The following GPC6 variants were observed in gnomAD, a reference collection of about 807,000 sequenced individuals.
GPC6 encodes the protein glypican-6.
In GPC6, 14 loss-of-function variants were observed where a neutral mutation model predicts 55.2. The ratio of observed to expected loss-of-function variants is 0.25; its 90% CI spans 0.17 to 0.40. The LOEUF (loss-of-function observed/expected upper bound fraction) is 0.40. Among genes scored for constraint, GPC6 ranks in the 10% least tolerant of loss-of-function variants. GPC6 has a pLI of 1.00. For missense variants in GPC6, 641 were observed against 708.5 expected (o/e 0.90, Z 1.08); for synonymous variants, 278 against 259.6 (o/e 1.07, Z -0.68).
rs945997290 is a variant in GPC6, at chr13:94,029,032, C to T, written c.877+1138C>T. Among the ~76,000 whole-genome samples the T allele has an allele frequency of 5.3e-5, 8 of 152,132 alleles. No individual in the cohort carries two copies. The South Asian group carries it at 8.3e-4, about 16-fold the overall frequency. ...GCATTTGTCAGCCTCTGAGGGCCTT[C>T]GTCATTTATGCAAACCTCTAAACGA... is the stretch of plus-strand genomic sequence containing the variant. On this transcript the variant is annotated intron_variant, in intron 4 of 8. Coordinates refer to ENST00000377047, the MANE Select transcript of GPC6 (RefSeq NM_005708.5).
At chr13:93,219,689 G>C in the GPC6 span, among the ~76,000 whole-genome samples, 1 of 152,012 alleles carries the variant, frequency 6.6e-6, no homozygotes, top group Non-Finnish European at 1.5e-5. Context: ...TAAAAGCTTT[G>C]AGTATGCTAT....
intron 4 of GPC6, among the ~76,000 whole-genome samples, chr13:94,133,714 ATTT>A (rs778394484): frequency 1.4e-5 from 2 of 144,218 alleles, no homozygotes; most frequent in Non-Finnish European, 1.5e-5. Flanking sequence ...ACACAACAGC[ATTT>A]TTTTTTTTTT....
At chr13:94,333,043 G>A (rs913284336) in intron 6 of GPC6, among the ~76,000 whole-genome samples, 19 of 152,280 alleles carry the variant, frequency 1.2e-4, no homozygotes, top group African/African-American at 3.9e-4. Flanking sequence ...TGTGCATCAG[G>A]GATGGGAAAG....
chr13:93,565,257 G>A (rs551740966), intron 2 of GPC6, among the ~76,000 whole-genome samples: 153 of 152,186 alleles, frequency 1.0e-3, no homozygotes, highest in African/African-American at 2.7e-3. Context: ...TGTAATTTTC[G>A]ACTTCAATTA....
intron 2 of GPC6, among the ~76,000 whole-genome samples, chr13:93,764,048 C>T (rs1193237659): frequency 6.6e-6 from 1 of 152,040 alleles, no homozygotes; most frequent in Non-Finnish European, 1.5e-5. Flanking sequence ...CAATAGGTAC[C>T]TCCCTGCCAA....
At chr13:94,112,300 T>C (rs1249025699) in intron 4 of GPC6, among the ~76,000 whole-genome samples, 1 of 152,204 alleles carries the variant, frequency 6.6e-6, no homozygotes, top group Non-Finnish European at 1.5e-5. Context: ...AATATATTGT[T>C]ATTTCATTTG....
chr13:93,990,567 C>T (rs763004829), intron 3 of GPC6, among the ~76,000 whole-genome samples: 5 of 151,960 alleles, frequency 3.3e-5, no homozygotes, highest in Non-Finnish European at 7.4e-5. Context: ...GTAAAGAAAC[C>T]ACAGTTGGGC....
intron 3 of GPC6, among the ~76,000 whole-genome samples, chr13:93,955,739 A>G (rs1012532126): frequency 1.3e-5 from 2 of 152,114 alleles, no homozygotes; most frequent in Non-Finnish European, 2.9e-5. Flanking sequence ...TCACAATATT[A>G]TTTCGGGTAG....
rs182882557 is a variant in GPC6, at chr13:93,869,833, A to G, written c.711+39288A>G. ...CATGGTTTTGTAATTTTTGAATACA[A>G]CGGAGGAATGAAAGAGATAAGGAAA... On this transcript the variant is annotated intron_variant, in intron 3 of 8. Transcript: ENST00000377047. Among the ~76,000 whole-genome samples, 5 of 151,918 alleles carry G rather than the reference A, an allele frequency of 3.3e-5. No homozygotes were observed. In the East Asian group the frequency reaches 9.8e-4, roughly 30 times the overall value.
intron 2 of GPC6, among the ~76,000 whole-genome samples, chr13:93,771,066 T>C (rs996535898): frequency 6.6e-6 from 1 of 152,180 alleles, no homozygotes; most frequent in African/African-American, 2.4e-5. Context: ...GCTCATTCAG[T>C]CTGTTCTGTG....
intron 1 of GPC6, among the ~76,000 whole-genome samples, chr13:93,394,209 G>A (rs1875758770): frequency 6.6e-6 from 1 of 152,044 alleles, no homozygotes; most frequent in Non-Finnish European, 1.5e-5. Flanking sequence ...AGCATTTTAT[G>A]CTTGTAACTG....
chr13:93,932,145 G>C lies in GPC6; in HGVS notation c.712-95584G>C, dbSNP rs544741000. 1.2e-3 allele frequency among the ~76,000 whole-genome samples: 176 copies of C among 152,310 alleles called. 1 individual carries two copies. The highest frequency in any genetic ancestry group is 4.1e-3 in the African/African-American group (172 of 41,576). On this transcript the variant is annotated intron_variant, in intron 3 of 8. Coordinates refer to ENST00000377047, the MANE Select transcript of GPC6 (RefSeq NM_005708.5). ...AATTGTCTGGCGAACAGGACACATAGGTCAGATTAATCTGCTGCTTAATCA... is the reference window on the plus strand; with the variant it reads ...AATTGTCTGGCGAACAGGACACATACGTCAGATTAATCTGCTGCTTAATCA...
chr13:93,497,017 A>T (rs1440201967), intron 1 of GPC6, among the ~76,000 whole-genome samples: 1 of 152,124 alleles, frequency 6.6e-6, no homozygotes, highest in Non-Finnish European at 1.5e-5. Flanking sequence ...CCTGCTTTCG[A>T]TGCGTTAATC....
intron 1 of GPC6, among the ~76,000 whole-genome samples, chr13:93,265,027 C>T (rs1044920748): frequency 1.1e-4 from 16 of 152,122 alleles, no homozygotes; most frequent in African/African-American, 2.9e-4. Context: ...TAGAGGTCTA[C>T]TCTCTGAGTT....
chr13:94,030,990 T>C lies in GPC6; in HGVS notation c.877+3096T>C, dbSNP rs562451698. On this transcript the variant is annotated intron_variant, in intron 4 of 8. Coordinates refer to ENST00000377047, the MANE Select transcript of GPC6 (RefSeq NM_005708.5). The stretch of plus-strand genomic sequence containing the variant: ...ACTTCTGTGGTATTCCAACCACTAC[T>C]GAAGTTCTGTAGTTGGGGTGTGTGT... Among the ~76,000 whole-genome samples the C allele has an allele frequency of 5.9e-5, 9 of 152,304 alleles. No homozygotes were observed. In the East Asian group the frequency reaches 9.6e-4, roughly 16 times the overall value.
chr13:93,717,488 T>C (rs1032623633), intron 2 of GPC6, among the ~76,000 whole-genome samples: 1 of 151,626 alleles, frequency 6.6e-6, no homozygotes, highest in Non-Finnish European at 1.5e-5. Flanking sequence ...AAAAGTCATG[T>C]GGAATGAATA....
intron 1 of GPC6, among the ~76,000 whole-genome samples, chr13:93,399,437 C>T (rs547960567): frequency 1.4e-4 from 21 of 152,306 alleles, no homozygotes; most frequent in Admixed American, 4.6e-4. Context: ...ATAAATCCGC[C>T]TTGAGTGAAG....
chr13:93,658,204 A>G (rs988695464), intron 2 of GPC6, among the ~76,000 whole-genome samples: 4 of 151,994 alleles, frequency 2.6e-5, no homozygotes, highest in Admixed American at 1.3e-4. Flanking sequence ...CACATTTTCA[A>G]TCATTTCTCT....
chr13:93,800,406 G>A (rs555773921), intron 2 of GPC6, among the ~76,000 whole-genome samples: 2 of 152,216 alleles, frequency 1.3e-5, no homozygotes, highest in South Asian at 4.1e-4. Flanking sequence ...TTTTTCAAGG[G>A]TGGAATTGAA....
Sources: allele counts gnomAD v4.1 joint callset (sites outside exome capture counted in the v4.1 genomes callset), GRCh38; gene constraint gnomAD v4.1.1; transcripts MANE v1.5; gene names NCBI Gene and HGNC (gene_info 2026-07-23, HGNC 2026-07-21).